DGKI: variants seen among roughly 807,000 people sequenced by gnomAD.
The protein encoded by DGKI is diacylglycerol kinase iota.
DGKI carries 55 observed loss-of-function variants against 147.5 expected under a neutral mutation model. That is an observed-to-expected ratio of 0.37 (90% CI 0.30 to 0.47). The LOEUF is 0.47. DGKI is among the 20% of genes least tolerant of loss of function. The pLI, the probability that DGKI is intolerant of heterozygous loss-of-function variation, is 1.00. For missense variants in DGKI, 1,007 were observed against 1,323.8 expected (o/e 0.76, Z 3.71); for synonymous variants, 469 against 477.1 (o/e 0.98, Z 0.22).
At chr7:137,557,917 CT>C (rs1818281016) in intron 19 of DGKI, among the ~76,000 whole-genome samples, 1 of 152,200 alleles carries the variant, frequency 6.6e-6, no homozygotes, top group Non-Finnish European at 1.5e-5. Context: ...ACACCATCTT[CT>C]CTCGCTGTCC....
At chr7:137,459,089 T>C (rs941963448) in intron 27 of DGKI, among the ~76,000 whole-genome samples, 1 of 152,200 alleles carries the variant, frequency 6.6e-6, no homozygotes, top group African/African-American at 2.4e-5. Context: ...TATGTGTATA[T>C]CTTTCTTTAA....
At chr7:137,717,714 G>A (rs10226208) in intron 1 of DGKI, among the ~76,000 whole-genome samples, 2,223 of 152,212 alleles carry the variant, frequency 0.015, 59 homozygotes, top group African/African-American at 0.051. Context: ...ATGTGGGGGC[G>A]GGGAAGTGAG....
At chr7:137,507,944 G>A (rs1241906117) in intron 21 of DGKI, among the ~76,000 whole-genome samples, 2 of 152,136 alleles carry the variant, frequency 1.3e-5, no homozygotes, top group Non-Finnish European at 2.9e-5. Context: ...TGAGACAAAA[G>A]GAAATTATCT....
At chr7:137,757,314 C>T (rs2116787087) in intron 1 of DGKI, among the ~76,000 whole-genome samples, 1 of 152,228 alleles carries the variant, frequency 6.6e-6, no homozygotes. Flanking sequence ...ACACTGGTAA[C>T]CACTTCCTTC....
At chr7:137,415,074 G>A (rs1010779029) in intron 28 of DGKI, among the ~76,000 whole-genome samples, 5 of 152,062 alleles carry the variant, frequency 3.3e-5, no homozygotes, top group African/African-American at 1.2e-4. Context: ...TGTGAAGCTG[G>A]GCAGACATAT....
At position 137,466,889 on chromosome 7, in the gene DGKI, G is replaced by GA; in HGVS notation, c.2484+12dup. Reference sequence around the variant, plus strand: ...ATTTTTCACTTTCACAAGCAGGCTGGAAAAAAACTTACCTGAGATCTGTCT... The same window carrying GA: ...ATTTTTCACTTTCACAAGCAGGCTGGAAAAAAAACTTACCTGAGATCTGTCT... On this transcript the variant is annotated intron_variant, in intron 25 of 32. Coordinates refer to ENST00000614521, the MANE Select transcript of DGKI (RefSeq NM_001321708.2). The GA allele has an allele frequency of 1.2e-6, 2 of 1,613,856 alleles. No individual in the cohort carries two copies. Among genetic ancestry groups the GA allele is most frequent in the East Asian group, 2.2e-5 (1 of 44,874 alleles).
intron 21 of DGKI, among the ~76,000 whole-genome samples, chr7:137,502,882 C>T (rs1816228982): frequency 1.3e-5 from 2 of 152,176 alleles, no homozygotes; most frequent in South Asian, 4.2e-4. Context: ...AGTGAAGGCA[C>T]AAACCAGTGA....
At position 137,609,541 on chromosome 7, in the gene DGKI, C is replaced by T. The variant is rs372781628; in HGVS notation, c.1062G>A (p.Gly354=). 1.9e-6 allele frequency: 3 copies of T among 1,611,114 alleles called. No homozygotes were observed. The highest frequency in any genetic ancestry group is 2.5e-6 in the Non-Finnish European group (3 of 1,177,462). ...TSFKRKASKR[G]MEQENKGRPF... The stretch of plus-strand genomic sequence containing the variant: ...AAAACTCTGAAACACTTACTTCCAT[C>T]CCTCTTTTACTGGCTTTTCTTTTAA... Residue 354 remains glycine (G), a synonymous_variant, in exon 9 of 33, where the codon GGG becomes GGA. Transcript: ENST00000614521.
intron 28 of DGKI, among the ~76,000 whole-genome samples, chr7:137,419,550 A>T (rs373056489): frequency 9.9e-5 from 15 of 152,228 alleles, no homozygotes; most frequent in East Asian, 3.8e-4. Context: ...CAAAAAAATG[A>T]AATTTAGTAT....
chr7:137,440,946 G>A (rs1370438422), intron 28 of DGKI, among the ~76,000 whole-genome samples: 8 of 152,142 alleles, frequency 5.3e-5, no homozygotes, highest in Non-Finnish European at 1.0e-4. Flanking sequence ...TCACCCTGAT[G>A]TAATAAAAGG....
chr7:137,741,568 G>C (rs900043752), intron 1 of DGKI, among the ~76,000 whole-genome samples: 2 of 152,198 alleles, frequency 1.3e-5, no homozygotes, highest in African/African-American at 2.4e-5. Flanking sequence ...TCATTGGAAT[G>C]CATGGTGTGG....
intron 28 of DGKI, among the ~76,000 whole-genome samples, chr7:137,416,672 C>A (rs151182928): frequency 4.1e-4 from 62 of 152,232 alleles, no homozygotes; most frequent in African/African-American, 1.4e-3. Flanking sequence ...CTGCTTCCCC[C>A]CCTCTGGAAA....
chr7:137,423,405 G>A (rs1812657872), intron 28 of DGKI, among the ~76,000 whole-genome samples: 1 of 152,098 alleles, frequency 6.6e-6, no homozygotes, highest in African/African-American at 2.4e-5. Flanking sequence ...AGGAACTTGG[G>A]GTGAACAAGT....
intron 1 of DGKI, among the ~76,000 whole-genome samples, chr7:137,816,297 G>A (rs149112473): frequency 9.5e-4 from 144 of 152,258 alleles, no homozygotes; most frequent in Non-Finnish European, 1.8e-3. Context: ...CCCCTTGCTA[G>A]ATGTACATCT....
chr7:137,698,474 TAA>T (rs1414363447), intron 1 of DGKI, among the ~76,000 whole-genome samples: 2 of 152,036 alleles, frequency 1.3e-5, no homozygotes, highest in Non-Finnish European at 2.9e-5. Context: ...CAATTTAAGG[TAA>T]AAGAACAAGA....
intron 21 of DGKI, among the ~76,000 whole-genome samples, chr7:137,503,472 T>C (rs935752853): frequency 6.6e-6 from 1 of 152,182 alleles, no homozygotes; most frequent in Non-Finnish European, 1.5e-5. Flanking sequence ...GAAAAGTTCA[T>C]GACATCAGAG....
chr7:137,389,087 A>T lies in DGKI; in HGVS notation c.*2133T>A, dbSNP rs1426974541. On this transcript the variant is annotated 3_prime_UTR_variant, in exon 33 of 33. Transcript: ENST00000614521. Reference sequence around the variant, plus strand: ...ATCCAGGGAATGGAAGATGCCATTCAAAGCCAGATTCCAGTTTGTGTTAAG... The same window carrying T: ...ATCCAGGGAATGGAAGATGCCATTCTAAGCCAGATTCCAGTTTGTGTTAAG... 1.3e-5 allele frequency: 2 copies of T among 152,210 alleles called. No individual in the cohort carries two copies. The highest frequency in any genetic ancestry group is 1.3e-4 in the Admixed American group (2 of 15,276). 9.4% of individuals were successfully genotyped at this position (152,210 alleles called of 1,614,324 possible). A position where few individuals can be genotyped will look rare whatever the true frequency, so the allele number is the denominator to read the frequency against.
At chr7:137,520,655 A>T (rs368544502) in intron 21 of DGKI, among the ~76,000 whole-genome samples, 2 of 152,044 alleles carry the variant, frequency 1.3e-5, no homozygotes, top group Non-Finnish European at 2.9e-5. Flanking sequence ...TAGGAAGCTG[A>T]AGCAGCTGAG....
chr7:137,752,098 A>G (rs1795506921), intron 1 of DGKI, among the ~76,000 whole-genome samples: 1 of 152,186 alleles, frequency 6.6e-6, no homozygotes, highest in South Asian at 2.1e-4. Context: ...AAATTTGCCT[A>G]TTTCCAAAAC....
Sources: gnomAD v4.1 joint callset for allele counts (sites outside exome capture counted in the v4.1 genomes callset) on GRCh38, gnomAD v4.1.1 for gene constraint, MANE v1.5 for transcripts, NCBI Gene and HGNC (gene_info 2026-07-23, HGNC 2026-07-21) for gene names.